CKAP2L: variants seen among roughly 807,000 people sequenced by gnomAD.
CKAP2L encodes the protein cytoskeleton-associated protein 2-like.
A neutral mutation model predicts 65.7 loss-of-function variants in CKAP2L; 42 were observed. The ratio of observed to expected loss-of-function variants is 0.64; its 90% confidence interval spans 0.50 to 0.83. The LOEUF (loss-of-function observed/expected upper bound fraction) is 0.83. Ranked by LOEUF, CKAP2L falls within the 40% of genes least tolerant of loss-of-function variation. The pLI is 0.00. For synonymous variants in CKAP2L, 325 were observed against 313.5 expected (o/e 1.04, Z -0.39); for missense variants, 908 against 871.0 (o/e 1.04, Z -0.53).
At chr2:112,747,108 T>G (rs1680226413) in intron 5 of CKAP2L, among the ~76,000 whole-genome samples, 1 of 141,702 alleles carries the variant, frequency 7.1e-6, no homozygotes, top group African/African-American at 2.7e-5. Flanking sequence ...TTTTTTTTTT[T>G]GAGACAAGGT....
At chr2:112,755,854 C>T (rs1369265684) in intron 4 of CKAP2L, 123 bp downstream of exon 4, 2 of 903,188 alleles carry the variant, frequency 2.2e-6, no homozygotes, top group Admixed American at 5.3e-5. Context: ...AATCTTTTTT[C>T]AGACTGTAGT....
chr2:112,752,144 T>C, intron 5 of CKAP2L, 123 bp downstream of exon 5: 1 of 686,656 alleles, frequency 1.5e-6, no homozygotes, highest in Non-Finnish European at 2.5e-6. Context: ...TTACTCTGTA[T>C]TTACAAGAGT....
intron 2 of CKAP2L, 68 bp from the exon 3 acceptor site, chr2:112,760,832 T>A: frequency 2.5e-6 from 2 of 790,214 alleles, no homozygotes; most frequent in Non-Finnish European, 4.2e-6. Context: ...GGAAGTACAG[T>A]GATTAAAAAT....
intron 2 of CKAP2L, among the ~76,000 whole-genome samples, chr2:112,762,180 A>C (rs138789599): frequency 2.3e-4 from 35 of 152,324 alleles, no homozygotes; most frequent in Admixed American, 9.1e-4. Context: ...CTTGACCAAA[A>C]ACTGCCTTCA....
chr2:112,757,447 T>G (rs1680580598), intron 3 of CKAP2L, among the ~76,000 whole-genome samples: 1 of 147,040 alleles, frequency 6.8e-6, no homozygotes, highest in Non-Finnish European at 1.5e-5. Context: ...TGGTGTGCAG[T>G]GATGCAATCT....
At chr2:112,761,811 CTAAA>C (rs1177526443) in intron 2 of CKAP2L, among the ~76,000 whole-genome samples, 1 of 152,064 alleles carries the variant, frequency 6.6e-6, no homozygotes, top group African/African-American at 2.4e-5. Context: ...GTTATAGGTA[CTAAA>C]TAAATATTTG....
rs1160811050 is a variant in CKAP2L, at chr2:112,756,407, G to A, written c.964C>T (p.Pro322Ser). ...RPNETKIRSY[P>S]VTEQRVKHTK... is the part of the protein sequence containing the mutation. ...TGCTTCACTCTCTGTTCAGTAACAG[G>A]GTATGACCGTATCTTAGTTTCATTT... Residue 322 changes from proline to serine, a missense_variant, in exon 4 of 9, where the codon CCT (proline) becomes TCT (serine). Pro to Ser is a moderately conservative substitution (Grantham distance 74). Transcript: ENST00000302450. 3 of 1,613,820 alleles carry A rather than the reference G, an allele frequency of 1.9e-6. No homozygotes were observed. The East Asian group carries it at 6.7e-5, about 36-fold the overall frequency.
intron 4 of CKAP2L, among the ~76,000 whole-genome samples, chr2:112,754,265 T>A (rs1404222610): frequency 6.6e-6 from 1 of 152,218 alleles, no homozygotes; most frequent in Non-Finnish European, 1.5e-5. Context: ...TTTTCCAGAA[T>A]GCCAATAACT....
At chr2:112,741,108 T>C in intron 7 of CKAP2L, 101 bp from the exon 8 acceptor site, 1 of 774,490 alleles carries the variant, frequency 1.3e-6, no homozygotes, top group Non-Finnish European at 2.1e-6. Flanking sequence ...GATTTCCCAG[T>C]GATCTTCATG....
Position 112,756,219 on chromosome 2 carries a change from G to T in CKAP2L, c.1152C>A (p.Gly384=). Reference sequence around the variant, plus strand: ...TGCTTGGAATGGCTGAATTAAATCTGCCAACTGTCAAATTAGGCCTCTGGC... The same window carrying T: ...TGCTTGGAATGGCTGAATTAAATCTTCCAACTGTCAAATTAGGCCTCTGGC... ...AISQRPNLTV[G]RFNSAIPSTP... is the part of the protein sequence containing the mutation. Residue 384 remains glycine (G), a synonymous_variant, in exon 4 of 9, where the codon GGC becomes GGA. Transcript: ENST00000302450. 6.2e-7 allele frequency: 1 copy of T among 1,614,162 alleles called. No homozygotes were observed. Among genetic ancestry groups the T allele is most frequent in the Non-Finnish European group, 8.5e-7 (1 of 1,180,038 alleles).
In CKAP2L at chr2:112,746,486, C is replaced by T. The variant is rs771701753; in HGVS notation, c.1692G>A (p.Leu564=). ...FAKFWICKAK[L]LASKGTFDVI... Reference sequence around the variant, plus strand: ...CATCAAAGGTGCCTTTACTTGCCAACAACTTTGCTTTGCAGATCCAGAATT... The same window carrying T: ...CATCAAAGGTGCCTTTACTTGCCAATAACTTTGCTTTGCAGATCCAGAATT... The change falls in exon 6 of 9, where the codon TTG becomes TTA. Residue 564 remains leucine, a synonymous_variant. Transcript: ENST00000302450. The T allele has an allele frequency of 3.7e-6, 6 of 1,613,232 alleles. No homozygotes were observed. In the South Asian group the frequency reaches 6.6e-5, roughly 18 times the overall value.
rs10203064 is a variant in CKAP2L, at chr2:112,736,952, A to T, written c.*1871T>A. ...TTCATCTTTTTTTTTTTTGAGATGGAGTCTTGCTCTGTAACCCAGGCTGGA... is the reference window on the plus strand; with the variant it reads ...TTCATCTTTTTTTTTTTTGAGATGGTGTCTTGCTCTGTAACCCAGGCTGGA... On this transcript the variant is annotated 3_prime_UTR_variant, in exon 9 of 9. Coordinates refer to ENST00000302450, the MANE Select transcript of CKAP2L (RefSeq NM_152515.5). The T allele has an allele frequency of 2.0e-5, 3 of 151,238 alleles. No individual in the cohort carries two copies. The highest frequency in any genetic ancestry group is 2.9e-5 in the Non-Finnish European group (2 of 67,924). The allele number at this position is 151,238 out of a possible 1,614,324, so 9.4% of individuals were successfully genotyped here. A position where few individuals can be genotyped will look rare whatever the true frequency, so the allele number is the denominator to read the frequency against.
intron 1 of CKAP2L, 74 bp downstream of exon 1, chr2:112,764,488 C>T: frequency 2.0e-6 from 3 of 1,525,628 alleles, no homozygotes; most frequent in Non-Finnish European, 2.7e-6. Flanking sequence ...GCGGGACGAA[C>T]TCACTCGGTG....
chr2:112,752,193 A>G, intron 5 of CKAP2L, 74 bp downstream of exon 5: 1 of 1,064,962 alleles, frequency 9.4e-7, no homozygotes, highest in Non-Finnish European at 1.4e-6. Flanking sequence ...TCTCTCCTAT[A>G]TTATATTTAG....
chr2:112,752,498 T>C (rs1680404172), intron 4 of CKAP2L, 24 bp from the exon 5 acceptor site: 1 of 1,449,968 alleles, frequency 6.9e-7, no homozygotes, highest in East Asian at 2.3e-5. Flanking sequence ...AAAGGGAGAG[T>C]GGTTTTATTT....
In CKAP2L at chr2:112,756,983, T is replaced by G. The variant is rs1680560612; in HGVS notation, c.388A>C (p.Thr130Pro). 6.2e-7 allele frequency: 1 copy of G among 1,614,228 alleles called. No individual in the cohort carries two copies. The change falls in exon 4 of 9, where the codon ACA (threonine) becomes CCA (proline). Residue 130 changes from threonine to proline, a missense_variant. Transcript: ENST00000302450. Reference sequence around the variant, plus strand: ...GGTTTTCTTGACAGTTCTCCTGTTGTGGACGATCCAGCTTCACACTGTTGA... The same window carrying G: ...GGTTTTCTTGACAGTTCTCCTGTTGGGGACGATCCAGCTTCACACTGTTGA... ...SFQQCEAGSS[T>P]TGELSRKPVG...
In CKAP2L at chr2:112,738,545, C is replaced by T; in HGVS notation, c.*278G>A. The T allele has an allele frequency of 2.7e-6, 1 of 376,356 alleles. No homozygotes were observed. The highest frequency in any genetic ancestry group is 4.8e-6 in the Non-Finnish European group (1 of 208,086). The allele number at this position is 376,356 out of a possible 1,614,324, so 23.3% of individuals were successfully genotyped here. Reference sequence around the variant, plus strand: ...AAACTATGTTGGGATTAAAGTAGATCAATAAAGTATAAATATTTATCATAG... The same window carrying T: ...AAACTATGTTGGGATTAAAGTAGATTAATAAAGTATAAATATTTATCATAG... On this transcript the variant is annotated 3_prime_UTR_variant, in exon 9 of 9. Coordinates refer to ENST00000302450, the MANE Select transcript of CKAP2L (RefSeq NM_152515.5).
intron 5 of CKAP2L, among the ~76,000 whole-genome samples, chr2:112,750,355 AGAGT>A (rs1294260578): frequency 7.0e-6 from 1 of 142,772 alleles, no homozygotes; most frequent in Admixed American, 6.7e-5. Context: ...ATGTGCCCAG[AGAGT>A]GAGAAGTGCC....
In CKAP2L at chr2:112,756,869, T is replaced by C. The variant is rs754412523; in HGVS notation, c.502A>G (p.Asn168Asp). The change falls in exon 4 of 9, where the codon AAT (asparagine) becomes GAT (aspartate). Residue 168 changes from asparagine to aspartate, a missense_variant. Transcript: ENST00000302450. ...GNGKCIDFMN[N>D]IHVENESLDN... ...AAAGATTCGTTTTCAACATGGATAT[T>C]ATTCATAAAGTCTATACATTTACCA... is the stretch of plus-strand genomic sequence containing the variant. 8.7e-6 allele frequency: 14 copies of C among 1,607,658 alleles called. No homozygotes were observed. In the South Asian group the frequency reaches 1.6e-4, roughly 18 times the overall value.
Sources: gnomAD v4.1 joint callset for allele counts (sites outside exome capture counted in the v4.1 genomes callset) on GRCh38, gnomAD v4.1.1 for gene constraint, MANE v1.5 for transcripts, NCBI Gene and HGNC (gene_info 2026-07-23, HGNC 2026-07-21) for gene names.